Variants in CMYA5 observed in about 807,000 individuals in gnomAD.
CMYA5 encodes the protein cardiomyopathy associated 5.
A neutral mutation model predicts 318.9 loss-of-function variants in CMYA5; 246 were observed. That is an observed-to-expected ratio of 0.77 (90% CI 0.70 to 0.86). CMYA5 has a LOEUF of 0.86. CMYA5 is among the 40% of genes least tolerant of loss of function. The pLI, the probability that CMYA5 is intolerant of heterozygous loss-of-function variation, is 0.00. For missense variants in CMYA5, 4,589 were observed against 4,678.2 expected (o/e 0.98, Z 0.56); for synonymous variants, 1,641 against 1,729.5 (o/e 0.95, Z 1.27).
intron 1 of CMYA5, among the ~76,000 whole-genome samples, chr5:79,721,637 A>G (rs1255628417): frequency 1.3e-5 from 2 of 152,222 alleles, no homozygotes; most frequent in African/African-American, 4.8e-5. Flanking sequence ...TAATGCAAAC[A>G]TTAACCAAAA....
rs1541813 is a variant in CMYA5, at chr5:79,728,911, A to G, written c.150-4A>G. ...TATATAATTAATATTGTTATTTGCT[A>G]TAGGTTATCAGACCAGGATGAAGAG... is the stretch of plus-strand genomic sequence containing the variant. On this transcript the variant is annotated splice_region_variant and splice_polypyrimidine_tract_variant and intron_variant, in intron 1 of 12. Transcript: ENST00000446378. The G allele has an allele frequency of 0.4, 564,894 of 1,422,242 alleles. 120,418 individuals are homozygous for G. The highest frequency in any genetic ancestry group is 0.76 in the African/African-American group (51,960 of 68,256). 88.1% of individuals were successfully genotyped at this position (1,422,242 alleles called of 1,614,324 possible).
chr5:79,721,905 A>G (rs1827645729), intron 1 of CMYA5, among the ~76,000 whole-genome samples: 1 of 152,238 alleles, frequency 6.6e-6, no homozygotes, highest in Non-Finnish European at 1.5e-5. Flanking sequence ...TCTCAGTGTT[A>G]GAACAGGCAG....
intron 1 of CMYA5, among the ~76,000 whole-genome samples, chr5:79,704,907 A>G (rs1425227643): frequency 6.6e-6 from 1 of 152,202 alleles, no homozygotes; most frequent in African/African-American, 2.4e-5. Context: ...TATTTAACCT[A>G]GCCTGAAAGA....
chr5:79,734,960 C>T lies in CMYA5; in HGVS notation c.6195C>T (p.Ile2065=), dbSNP rs777995652. The T allele has an allele frequency of 1.2e-6, 2 of 1,613,806 alleles. No individual in the cohort carries two copies. Among genetic ancestry groups the T allele is most frequent in the South Asian group, 1.1e-5 (1 of 91,052 alleles). Residue 2065 remains isoleucine (I), a synonymous_variant, in exon 2 of 13, where the codon ATC becomes ATT. Coordinates refer to ENST00000446378, the MANE Select transcript of CMYA5 (RefSeq NM_153610.5). ...TGGAACAGGTGAAGTCAGAAACAAT[C>T]TCCTCTTCTGTCAAAACAGCCCATT... ...LSVEQVKSET[I]SSSVKTAHFP...
In CMYA5 at chr5:79,735,653, C is replaced by T. The variant is rs183961270; in HGVS notation, c.6888C>T (p.Gly2296=). ...ATTATGGAAAAAAAGAAATCTCAGGCGATTCAGAGGAAATGAACATAAACT... is the reference window on the plus strand; with the variant it reads ...ATTATGGAAAAAAAGAAATCTCAGGTGATTCAGAGGAAATGAACATAAACT... ...REDYGKKEIS[G]DSEEMNINSV... The change falls in exon 2 of 13, where the codon GGC becomes GGT. Residue 2296 remains glycine, a synonymous_variant. Transcript: ENST00000446378. The T allele has an allele frequency of 5.7e-4, 914 of 1,613,224 alleles. 1 individual carries two copies. The African/African-American group carries it at 9.8e-3, about 17-fold the overall frequency.
At position 79,736,549 on chromosome 5, in the gene CMYA5, C is replaced by T. The variant is rs113407536; in HGVS notation, c.7784C>T (p.Thr2595Ile). 378 of 1,613,650 alleles carry T rather than the reference C, an allele frequency of 2.3e-4. 4 individuals carry two copies. The African/African-American group carries it at 4.1e-3, about 18-fold the overall frequency. ...TCATTAGTTAAAGCTACATCAGTTACTGAAAAATCAGAAGCCATGCTCGCA... is the reference window on the plus strand; with the variant it reads ...TCATTAGTTAAAGCTACATCAGTTATTGAAAAATCAGAAGCCATGCTCGCA... Reference protein sequence around the residue: ...SFSLVKATSVTEKSEAMLAEA... With the variant: ...SFSLVKATSVIEKSEAMLAEA... Residue 2595 changes from threonine to isoleucine, a missense_variant, in exon 2 of 13, where the codon ACT becomes ATT. Around this residue, in one of 3 missense-constraint regions of CMYA5, gnomAD observed 2,431 missense variants for 2,495.1 expected, o/e 0.97. Coordinates refer to ENST00000446378, the MANE Select transcript of CMYA5 (RefSeq NM_153610.5).
chr5:79,756,593 T>C (rs961284053), intron 6 of CMYA5, among the ~76,000 whole-genome samples: 1 of 152,196 alleles, frequency 6.6e-6, no homozygotes, highest in African/African-American at 2.4e-5. Context: ...CCACTCTGCA[T>C]TGAAGTCCAT....
At chr5:79,713,951 C>T (rs1189673311) in intron 1 of CMYA5, among the ~76,000 whole-genome samples, 2 of 128,592 alleles carry the variant, frequency 1.6e-5, no homozygotes, top group African/African-American at 5.6e-5. Flanking sequence ...CTCAATGACT[C>T]AAGTTATCTT....
intron 1 of CMYA5, among the ~76,000 whole-genome samples, chr5:79,707,763 A>C (rs1004841144): frequency 6.6e-6 from 1 of 152,204 alleles, no homozygotes; most frequent in Non-Finnish European, 1.5e-5. Context: ...AGGAAGGGGA[A>C]GTAATTTGCC....
chr5:79,737,547 A>G lies in CMYA5; in HGVS notation c.8782A>G (p.Thr2928Ala). Residue 2928 changes from threonine (T) to alanine (A), a missense_variant, in exon 2 of 13, where the codon ACA becomes GCA. Transcript: ENST00000446378. ...CACATATGCAAAAGGTGAAGACTTT[A>G]CAGTGACTAGTAAGCCAGCCGGACT... ...EDTYAKGEDF[T>A]VTSKPAGLSE... 2.5e-6 allele frequency: 4 copies of G among 1,613,710 alleles called. No homozygotes were observed. Among genetic ancestry groups the G allele is most frequent in the African/African-American group, 1.3e-5 (1 of 75,040 alleles).
chr5:79,726,458 T>C (rs777827568), intron 1 of CMYA5, among the ~76,000 whole-genome samples: 6 of 152,218 alleles, frequency 3.9e-5, no homozygotes, highest in Non-Finnish European at 8.8e-5. Flanking sequence ...TAAGATTCTG[T>C]TCAGGACCAA....
At position 79,738,839 on chromosome 5, in the gene CMYA5, C is replaced by G. The variant is rs3828611; in HGVS notation, c.10074C>G (p.His3358Gln). Residue 3358 changes from histidine (H) to glutamine (Q), a missense_variant, in exon 2 of 13, where the codon CAC (histidine) becomes CAG (glutamine). Physicochemically the swap from His to Gln is conservative, Grantham distance 24 (BLOSUM62 0). Around this residue, in one of 3 missense-constraint regions of CMYA5, gnomAD observed 2,431 missense variants for 2,495.1 expected, o/e 0.97. Coordinates refer to ENST00000446378, the MANE Select transcript of CMYA5 (RefSeq NM_153610.5). The part of the protein sequence containing the change: ...VLERADEAGS[H>Q]GNEVGNASPE... Reference sequence around the variant, plus strand: ...AGCGTGCAGATGAAGCAGGCAGTCACGGTAATGAAGTCGGAAATGCAAGTC... The same window carrying G: ...AGCGTGCAGATGAAGCAGGCAGTCAGGGTAATGAAGTCGGAAATGCAAGTC... 141,217 of 1,613,660 alleles carry G rather than the reference C, an allele frequency of 0.088. 10,935 individuals carry two copies. The highest frequency in any genetic ancestry group is 0.46 in the East Asian group (20,541 of 44,862).
At chr5:79,759,324 G>T (rs1207712016) in intron 7 of CMYA5, among the ~76,000 whole-genome samples, 2 of 152,218 alleles carry the variant, frequency 1.3e-5, no homozygotes, top group Non-Finnish European at 2.9e-5. Context: ...AGGACAGTGT[G>T]CTCCACAATG....
Position 79,758,861 on chromosome 5 carries a change from T to C in CMYA5, c.11219T>C (p.Val3740Ala). Residue 3740 changes from valine (V) to alanine (A), a missense_variant, in exon 7 of 13, where the codon GTT becomes GCT. Val to Ala is a moderately conservative substitution (Grantham distance 64). This residue lies in a region of CMYA5 where 2,431 missense variants were observed against 2,495.1 expected (regional missense o/e 0.97). Coordinates refer to ENST00000446378, the MANE Select transcript of CMYA5 (RefSeq NM_153610.5). Reference sequence around the variant, plus strand: ...GAAGATGTCATTGATTCATTTCAGGTTTACTGCATGGAGGAGCCACAAGAT... The same window carrying C: ...GAAGATGTCATTGATTCATTTCAGGCTTACTGCATGGAGGAGCCACAAGAT... Reference protein sequence around the residue: ...NKEDVIDSFQVYCMEEPQDDQ... With the variant: ...NKEDVIDSFQAYCMEEPQDDQ... The C allele has an allele frequency of 1.2e-6, 2 of 1,602,560 alleles. No homozygotes were observed. Among genetic ancestry groups the C allele is most frequent in the Non-Finnish European group, 8.5e-7 (1 of 1,174,608 alleles).
chr5:79,796,789 T>C (rs1829284333), intron 12 of CMYA5, among the ~76,000 whole-genome samples: 1 of 152,234 alleles, frequency 6.6e-6, no homozygotes, highest in Non-Finnish European at 1.5e-5. Flanking sequence ...GATGTCATTA[T>C]TTTATATCAT....
rs199941925 is a variant in CMYA5 at position 79,735,392 on chromosome 5, C to T, written c.6627C>T (p.Ser2209=). 32 of 1,613,774 alleles carry T rather than the reference C, an allele frequency of 2.0e-5. No individual in the cohort carries two copies. The highest frequency in any genetic ancestry group is 1.7e-4 in the Middle Eastern group (1 of 6,058). Residue 2209 remains serine, a synonymous_variant, in exon 2 of 13, where the codon TCC becomes TCT. Transcript: ENST00000446378. ...ACTTAGAAACACAGCCAAGTCCATCCGTAGAAAAAGCAGTGACTGTGATAG... is the reference window on the plus strand; with the variant it reads ...ACTTAGAAACACAGCCAAGTCCATCTGTAGAAAAAGCAGTGACTGTGATAG... ...QEDLETQPSP[S]VEKAVTVIDP...
Position 79,730,877 on chromosome 5 carries a change from A to T in CMYA5, c.2112A>T (p.Ser704=). The T allele has an allele frequency of 1.2e-6, 2 of 1,613,934 alleles. No individual in the cohort carries two copies. Among genetic ancestry groups the T allele is most frequent in the South Asian group, 1.1e-5 (1 of 91,072 alleles). ...STSASEYSVP[S]LATKESLKKT... ...CTGCTTCTGAATATTCAGTTCCATC[A>T]CTGGCAACAAAAGAGTCACTGAAGA... Residue 704 remains serine, a synonymous_variant, in exon 2 of 13, where the codon TCA becomes TCT. Transcript: ENST00000446378.
At chr5:79,705,605 T>C (rs1263761776) in intron 1 of CMYA5, among the ~76,000 whole-genome samples, 2 of 152,134 alleles carry the variant, frequency 1.3e-5, no homozygotes, top group Non-Finnish European at 2.9e-5. Context: ...ATTTTAAACT[T>C]GATTGAACAG....
rs925180153 is a variant in CMYA5, at chr5:79,761,812, G to A, written c.11262G>A (p.Glu3754=). ...EEPQDDQEVN[E]LVEEYRLTVK... ...GATTTTAATTGTGTCTTATGCTAGAGTTGGTAGAAGAATACAGACTGACAG... is the reference window on the plus strand; with the variant it reads ...GATTTTAATTGTGTCTTATGCTAGAATTGGTAGAAGAATACAGACTGACAG... Residue 3754 remains glutamate, a splice_region_variant and synonymous_variant, in exon 8 of 13, where the codon GAG becomes GAA. Coordinates refer to ENST00000446378, the MANE Select transcript of CMYA5 (RefSeq NM_153610.5). 2.5e-6 allele frequency: 4 copies of A among 1,612,356 alleles called. No homozygotes were observed. Among genetic ancestry groups the A allele is most frequent in the African/African-American group, 1.3e-5 (1 of 75,014 alleles).
Sources: allele counts gnomAD v4.1 joint callset (sites outside exome capture counted in the v4.1 genomes callset), GRCh38; gene constraint gnomAD v4.1.1; regional missense constraint gnomAD v4.1.1; transcripts MANE v1.5; gene names NCBI Gene and HGNC (gene_info 2026-07-23, HGNC 2026-07-21).